The following NEBL variants were observed in gnomAD, a reference collection of about 807,000 sequenced individuals.
NEBL encodes the protein LIM and SH3 protein 2.
In NEBL, 122 loss-of-function variants were observed where a neutral mutation model predicts 140.2. The ratio of observed to expected loss-of-function variants is 0.87; its 90% CI spans 0.75 to 1.01. The LOEUF (loss-of-function observed/expected upper bound fraction) is 1.01, where lower values mean the gene tolerates loss of function less well. Among genes scored for constraint, NEBL ranks in the 50% least tolerant of loss-of-function variants. The probability of loss-of-function intolerance (pLI) is 0.00; values close to 1 mark genes in which losing one functional copy is unlikely to be tolerated. For missense variants in NEBL, 1,365 were observed against 1,231.3 expected (o/e 1.11, Z -1.62); for synonymous variants, 436 against 398.9 (o/e 1.09, Z -1.11).
intron 2 of NEBL, among the ~76,000 whole-genome samples, chr10:21,147,853 C>T (rs1012201828): frequency 1.3e-5 from 2 of 152,158 alleles, no homozygotes; most frequent in African/African-American, 4.8e-5. Context: ...GCCTTCCTGT[C>T]GCCAACCAAA....
At chr10:20,871,623 T>C (rs148867903) in intron 5 of NEBL, among the ~76,000 whole-genome samples, 14 of 152,258 alleles carry the variant, frequency 9.2e-5, no homozygotes, top group Admixed American at 5.9e-4. Flanking sequence ...TAATCATGAA[T>C]CTGTCTGACA....
intron 1 of NEBL, among the ~76,000 whole-genome samples, chr10:21,278,083 G>A (rs748650559): frequency 1.3e-5 from 2 of 152,188 alleles, no homozygotes; most frequent in Non-Finnish European, 2.9e-5. Flanking sequence ...ATTGGGAAAC[G>A]CCAGCACCAC....
intron 26 of NEBL, among the ~76,000 whole-genome samples, chr10:20,788,706 A>C (rs11012339): frequency 0.29 from 44,276 of 152,192 alleles, 7,454 homozygotes; most frequent in South Asian, 0.49. Flanking sequence ...ATCATTAAAT[A>C]TCAAATACTT....
chr10:20,961,333 C>A (rs1836040880), intron 4 of NEBL, among the ~76,000 whole-genome samples: 1 of 152,068 alleles, frequency 6.6e-6, no homozygotes, highest in African/African-American at 2.4e-5. Flanking sequence ...AGACTCCTAA[C>A]CTTATATGTA....
chr10:21,193,247 G>A (rs1474731364), intron 3 of NEBL, among the ~76,000 whole-genome samples: 1 of 152,178 alleles, frequency 6.6e-6, no homozygotes, highest in East Asian at 1.9e-4. Flanking sequence ...GGAAGCTACA[G>A]CAGCCAAGAG....
At chr10:20,961,120 C>T (rs527245173) in intron 4 of NEBL, among the ~76,000 whole-genome samples, 2 of 152,264 alleles carry the variant, frequency 1.3e-5, no homozygotes, top group African/African-American at 4.8e-5. Context: ...ATTAATACCT[C>T]CCTAATACAT....
intron 10 of NEBL, among the ~76,000 whole-genome samples, chr10:20,851,956 T>C (rs1009457238): frequency 2.7e-5 from 4 of 149,612 alleles, no homozygotes; most frequent in African/African-American, 7.4e-5. Flanking sequence ...AGTGATATAA[T>C]ATTTTATCTT....
At chr10:21,002,043 C>T (rs148950484) in intron 3 of NEBL, among the ~76,000 whole-genome samples, 26 of 152,154 alleles carry the variant, frequency 1.7e-4, no homozygotes, top group African/African-American at 6.3e-4. Flanking sequence ...TTTTTCTACA[C>T]GTATTTCTTT....
intron 2 of NEBL, among the ~76,000 whole-genome samples, chr10:21,023,973 T>C (rs567198704): frequency 6.6e-6 from 1 of 152,062 alleles, no homozygotes; most frequent in South Asian, 2.1e-4. Context: ...GAAAGGGTGA[T>C]AGAACTTATA....
intron 3 of NEBL, among the ~76,000 whole-genome samples, chr10:21,225,345 C>T (rs565230315): frequency 1.6e-4 from 25 of 152,238 alleles, no homozygotes; most frequent in Non-Finnish European, 2.6e-4. Context: ...GAAGCCAGCA[C>T]GACACAGGGT....
At chr10:21,047,244 G>C (rs1195113846) in intron 2 of NEBL, among the ~76,000 whole-genome samples, 1 of 152,172 alleles carries the variant, frequency 6.6e-6, no homozygotes, top group East Asian at 1.9e-4. Context: ...CCAAGTAACA[G>C]ACACTGATTA....
intron 13 of NEBL, among the ~76,000 whole-genome samples, chr10:20,839,502 C>T (rs1052046153): frequency 6.6e-6 from 1 of 152,010 alleles, no homozygotes; most frequent in African/African-American, 2.4e-5. Context: ...CAATCCATAC[C>T]CTTGGGAAGG....
At chr10:21,089,395 C>A (rs1037795265) in intron 2 of NEBL, among the ~76,000 whole-genome samples, 7 of 152,048 alleles carry the variant, frequency 4.6e-5, no homozygotes, top group African/African-American at 1.7e-4. Flanking sequence ...TCCAAGACTG[C>A]GTTGGAACAA....
intron 3 of NEBL, among the ~76,000 whole-genome samples, chr10:20,984,261 C>A (rs1248083824): frequency 6.6e-6 from 1 of 152,108 alleles, no homozygotes; most frequent in African/African-American, 2.4e-5. Context: ...AACAAACTAT[C>A]GTGATGTTAT....
chr10:21,205,686 G>C (rs1841814328), intron 3 of NEBL, among the ~76,000 whole-genome samples: 1 of 151,978 alleles, frequency 6.6e-6, no homozygotes, highest in African/African-American at 2.4e-5. Context: ...GCTAAATTTG[G>C]GTAGTAGAAC....
chr10:20,833,064 T>A (rs745674611), intron 14 of NEBL, among the ~76,000 whole-genome samples: 2 of 152,202 alleles, frequency 1.3e-5, no homozygotes, highest in Non-Finnish European at 1.5e-5. Context: ...TTTTTTAATA[T>A]GAACTTTCAA....
chr10:21,053,583 T>C (rs567012945), intron 2 of NEBL, among the ~76,000 whole-genome samples: 1 of 152,344 alleles, frequency 6.6e-6, no homozygotes, highest in African/African-American at 2.4e-5. Flanking sequence ...ACCCATTGGA[T>C]TCTTTATAAG....
intron 2 of NEBL, among the ~76,000 whole-genome samples, chr10:21,159,640 T>C (rs1035553788): frequency 6.6e-6 from 1 of 152,244 alleles, no homozygotes; most frequent in African/African-American, 2.4e-5. Context: ...ATTTCCAATC[T>C]GGACAAGAGG....
At chr10:20,848,140 T>C (rs1372115221) in intron 11 of NEBL, among the ~76,000 whole-genome samples, 5 of 152,286 alleles carry the variant, frequency 3.3e-5, no homozygotes, top group Middle Eastern at 3.4e-3. Context: ...GGGACATTCA[T>C]TGGGTGGCTC....
Sources: allele counts gnomAD v4.1 joint callset (sites outside exome capture counted in the v4.1 genomes callset), GRCh38; gene constraint gnomAD v4.1.1; transcripts MANE v1.5; gene names NCBI Gene and HGNC (gene_info 2026-07-23, HGNC 2026-07-21).